Variants in ACACB observed in about 807,000 individuals in gnomAD.
ACACB encodes the protein acetyl-CoA carboxylase 2.
A neutral mutation model predicts 278.8 loss-of-function variants in ACACB; 209 were observed. That is an observed-to-expected ratio of 0.75 (90% CI 0.67 to 0.84). The LOEUF is 0.84. ACACB is among the 40% of genes least tolerant of loss of function. ACACB has a pLI of 0.00. For synonymous variants in ACACB, 1,174 were observed against 1,285.6 expected, an observed-to-expected ratio of 0.91 and a Z score of 1.86; for missense variants, 2,850 against 3,269.0, an observed-to-expected ratio of 0.87 and a Z score of 3.13.
chr12:109,178,697 A>G (rs2044356273), intron 9 of ACACB, among the ~76,000 whole-genome samples: 1 of 152,238 alleles, frequency 6.6e-6, no homozygotes, highest in Admixed American at 6.5e-5. Context: ...AATATGTTGC[A>G]AGATTGCAAC....
intron 9 of ACACB, among the ~76,000 whole-genome samples, chr12:109,178,862 C>G (rs1277558344): frequency 6.6e-6 from 1 of 152,154 alleles, no homozygotes; most frequent in Admixed American, 6.5e-5. Context: ...TTCTTCCCCA[C>G]CTGGGGCCGT....
chr12:109,237,061 G>A, intron 33 of ACACB, 104 bp from the exon 34 acceptor site: 1 of 1,152,786 alleles, frequency 8.7e-7, no homozygotes, highest in South Asian at 1.3e-5. Flanking sequence ...CAAACCCATG[G>A]ACACCAGGGG....
intron 19 of ACACB, among the ~76,000 whole-genome samples, chr12:109,202,676 G>T (rs142551857): frequency 1.4e-3 from 217 of 152,102 alleles, no homozygotes; most frequent in Non-Finnish European, 2.3e-3. Context: ...GCACGAGCAT[G>T]GTCCATTTGT....
chr12:109,131,770 G>A (rs988809907), intron 1 of ACACB, among the ~76,000 whole-genome samples: 70 of 152,290 alleles, frequency 4.6e-4, no homozygotes, highest in African/African-American at 1.4e-3. Flanking sequence ...TTTCGGGTCC[G>A]CTGGGTTATT....
At chr12:109,111,708 A>G (rs906750629), upstream of ACACB, among the ~76,000 whole-genome samples, 28 of 152,042 alleles carry the variant, frequency 1.8e-4, no homozygotes, top group African/African-American at 6.8e-4. Flanking sequence ...AGCATGCACT[A>G]CCACGCCCGG....
chr12:109,206,420 G>A lies in ACACB; in HGVS notation c.2914-290G>A, dbSNP rs867934532. On this transcript the variant is annotated intron_variant, in intron 19 of 52. Coordinates refer to ENST00000338432, the MANE Select transcript of ACACB (RefSeq NM_001093.4). Reference sequence around the variant, plus strand: ...CTGCAGTCCAGCCTGGGGACAATGCGAGTGTCTCAAAAAAAAAAAAAAAAC... The same window carrying A: ...CTGCAGTCCAGCCTGGGGACAATGCAAGTGTCTCAAAAAAAAAAAAAAAAC... Among the ~76,000 whole-genome samples the A allele has an allele frequency of 3.3e-4, 32 of 96,890 alleles. 1 individual carries two copies. The highest frequency in any genetic ancestry group is 2.3e-3 in the African/African-American group (29 of 12,354). The allele number at this position is 96,890 out of a possible 152,430, so 63.6% of individuals were successfully genotyped here.
In ACACB at chr12:109,116,604, G is replaced by A. The variant is rs2042408252; in HGVS notation, c.-110G>A. 6.6e-6 allele frequency: 1 copy of A among 152,238 alleles called. No homozygotes were observed. Among genetic ancestry groups the A allele is most frequent in the Non-Finnish European group, 1.5e-5 (1 of 68,076 alleles). The allele number at this position is 152,238 out of a possible 1,614,324, so 9.4% of individuals were successfully genotyped here. A position where few individuals can be genotyped will look rare whatever the true frequency, so the allele number is the denominator to read the frequency against. ...CAGTCCCCAGAGTAAGCAGCTAGCA[G>A]GCTTAGATTCAGGCCCTCAGCAAAC... On this transcript the variant is annotated 5_prime_UTR_variant, in exon 1 of 53. Transcript: ENST00000338432.
Position 109,246,238 on chromosome 12 carries a change from T to C in ACACB, c.5361T>C (p.Asp1787=), listed in dbSNP as rs113691648. ...FKTQEYPEGR[D]VIVIGNDITF... ...CCCAGGAGTACCCGGAAGGACGGGA[T>C]GTGATCGTCATCGGCAATGACATCA... Residue 1787 remains aspartate (D), a synonymous_variant, in exon 39 of 53, where the codon GAT becomes GAC. Coordinates refer to ENST00000338432, the MANE Select transcript of ACACB (RefSeq NM_001093.4). 2,122 of 1,613,852 alleles carry C rather than the reference T, an allele frequency of 1.3e-3. 31 individuals carry two copies. The African/African-American group carries it at 0.024, about 18-fold the overall frequency.
intron 28 of ACACB, among the ~76,000 whole-genome samples, chr12:109,231,234 T>C (rs1443415058): frequency 6.6e-6 from 1 of 152,172 alleles, no homozygotes; most frequent in Non-Finnish European, 1.5e-5. Flanking sequence ...ATGGGGCTGC[T>C]GTCCTAGCTC....
At chr12:109,246,120 A>T in intron 38 of ACACB, 59 bp from the exon 39 acceptor site, 1 of 1,534,556 alleles carries the variant, frequency 6.5e-7, no homozygotes, top group Non-Finnish European at 8.8e-7. Flanking sequence ...AAAATAAAAT[A>T]AAAAGTTTTC....
At chr12:109,239,361 G>C (rs974609407) in intron 34 of ACACB, among the ~76,000 whole-genome samples, 1 of 152,310 alleles carries the variant, frequency 6.6e-6, no homozygotes, top group East Asian at 1.9e-4. Flanking sequence ...GAGGCTCTGG[G>C]GTTGGTCAGG....
chr12:109,216,151 G>T (rs2045988640), intron 22 of ACACB, among the ~76,000 whole-genome samples: 1 of 149,908 alleles, frequency 6.7e-6, no homozygotes, highest in African/African-American at 2.5e-5. Context: ...TATTGCCCAG[G>T]CTTGAACTCC....
chr12:109,221,292 C>G (rs1251169929), intron 24 of ACACB, among the ~76,000 whole-genome samples: 2 of 152,216 alleles, frequency 1.3e-5, no homozygotes. Context: ...GCTCTACCAT[C>G]TGGTGACCTC....
intron 21 of ACACB, among the ~76,000 whole-genome samples, chr12:109,209,765 GTA>G (rs1408772400): frequency 2.0e-5 from 3 of 148,548 alleles, no homozygotes; most frequent in Non-Finnish European, 3.0e-5. Flanking sequence ...GGAGCTCCAT[GTA>G]TGTGTGTGTG....
chr12:109,224,660 T>C (rs113428119), intron 27 of ACACB, among the ~76,000 whole-genome samples: 7,523 of 151,920 alleles, frequency 0.05, 252 homozygotes, highest in African/African-American at 0.099. Flanking sequence ...GCCTCCCCAG[T>C]AGCTGGGCCT....
upstream of ACACB, among the ~76,000 whole-genome samples, chr12:109,116,021 T>C (rs1466715388): frequency 6.6e-6 from 1 of 152,260 alleles, no homozygotes; most frequent in East Asian, 1.9e-4. Context: ...CAGAACACTA[T>C]GTAACTGCAG....
chr12:109,207,249 C>T lies in ACACB; in HGVS notation c.3060+393C>T, dbSNP rs76478811. On this transcript the variant is annotated intron_variant, in intron 20 of 52. Transcript: ENST00000338432. ...GGGATTACAGGCCTGAGCCACCGCA[C>T]CCAGCCCCTCGGTTGTGTTTATGAA... Among the ~76,000 whole-genome samples the T allele has an allele frequency of 5.5e-3, 832 of 152,352 alleles. 30 individuals are homozygous for T. The East Asian group carries it at 0.092, about 17-fold the overall frequency.
At chr12:109,255,001 A>G (rs10744776) in intron 44 of ACACB, among the ~76,000 whole-genome samples, 117,896 of 151,910 alleles carry the variant, frequency 0.78, 46,195 homozygotes, top group Middle Eastern at 0.84. Flanking sequence ...TCTTGAACAC[A>G]TGACCTCAAG....
chr12:109,184,251 C>G (rs940060150), intron 11 of ACACB, among the ~76,000 whole-genome samples: 1 of 151,934 alleles, frequency 6.6e-6, no homozygotes, highest in Non-Finnish European at 1.5e-5. Flanking sequence ...CGGGGCTTCA[C>G]CATGTTGGCC....
Sources: gnomAD v4.1 joint callset for allele counts (sites outside exome capture counted in the v4.1 genomes callset) on GRCh38, gnomAD v4.1.1 for gene constraint, MANE v1.5 for transcripts, NCBI Gene and HGNC (gene_info 2026-07-23, HGNC 2026-07-21) for gene names.